The following CALN1 variants were observed in gnomAD, a reference collection of about 807,000 sequenced individuals.
CALN1 encodes the protein calcium-binding protein 8.
Under a neutral mutation model 30.6 loss-of-function variants are expected in CALN1, and 17 were observed. The ratio of observed to expected loss-of-function variants is 0.56; its 90% confidence interval spans 0.38 to 0.83. The LOEUF is 0.83. Ranked by LOEUF, CALN1 falls within the 40% of genes least tolerant of loss-of-function variation. The pLI, the probability that CALN1 is intolerant of heterozygous loss-of-function variation, is 0.00. For missense variants in CALN1, 291 were observed against 354.9 expected (o/e 0.82, Z 1.45); for synonymous variants, 156 against 131.4 (o/e 1.19, Z -1.28).
chr7:72,314,311 T>C (rs1433530144), intron 2 of CALN1, among the ~76,000 whole-genome samples: 1 of 151,888 alleles, frequency 6.6e-6, no homozygotes, highest in Non-Finnish European at 1.5e-5. Flanking sequence ...ATTTGATTTC[T>C]AAGCTATGTG....
intron 3 of CALN1, among the ~76,000 whole-genome samples, chr7:72,205,551 A>AAATATATATATATATATATATAT: frequency 1.2e-5 from 1 of 83,036 alleles, no homozygotes; most frequent in African/African-American, 7.4e-5. Context: ...GCAAAAAAAA[A>AAATATATATATATATATATATAT]ATATATATAT....
intron 3 of CALN1, among the ~76,000 whole-genome samples, chr7:72,175,088 T>C (rs1411055768): frequency 6.6e-6 from 1 of 152,052 alleles, no homozygotes; most frequent in Non-Finnish European, 1.5e-5. Flanking sequence ...ATTTTTTTTT[T>C]TTTGAGACAG....
At chr7:72,278,383 A>C (rs1015129433) in intron 3 of CALN1, among the ~76,000 whole-genome samples, 1 of 152,082 alleles carries the variant, frequency 6.6e-6, no homozygotes, top group Non-Finnish European at 1.5e-5. Flanking sequence ...AATGGAAAAC[A>C]CATTTTAAGA....
intron 2 of CALN1, among the ~76,000 whole-genome samples, chr7:72,380,275 G>A (rs1304034949): frequency 1.3e-5 from 2 of 152,224 alleles, no homozygotes; most frequent in East Asian, 1.9e-4. Flanking sequence ...CCTATGAGAA[G>A]ACACTGCAAC....
At chr7:71,941,872 A>T (rs1796150169) in intron 5 of CALN1, among the ~76,000 whole-genome samples, 2 of 152,136 alleles carry the variant, frequency 1.3e-5, no homozygotes, top group Non-Finnish European at 2.9e-5. Flanking sequence ...AGGGATTGGG[A>T]GACATTCTGA....
the CALN1 span, among the ~76,000 whole-genome samples, chr7:72,465,398 A>G: frequency 2.6e-5 from 4 of 152,090 alleles, no homozygotes; most frequent in African/African-American, 7.2e-5. Context: ...CCTTGCCCCT[A>G]TAGTAGGCTC....
chr7:71,956,623 C>A (rs1232065291), intron 5 of CALN1, among the ~76,000 whole-genome samples: 3 of 151,070 alleles, frequency 2.0e-5, no homozygotes, highest in Admixed American at 2.0e-4. Context: ...TGTGTCCAGT[C>A]CCAATTTAAA....
chr7:71,986,921 G>T (rs919086631), intron 5 of CALN1, among the ~76,000 whole-genome samples: 3 of 151,990 alleles, frequency 2.0e-5, no homozygotes, highest in Non-Finnish European at 4.4e-5. Context: ...TGAGACCAGG[G>T]GTTTGAGACC....
intron 3 of CALN1, among the ~76,000 whole-genome samples, chr7:72,246,405 G>A (rs1003352898): frequency 6.6e-6 from 1 of 152,118 alleles, no homozygotes; most frequent in Non-Finnish European, 1.5e-5. Flanking sequence ...GACACACGGT[G>A]GCTTGGTGAT....
rs184006477 is a variant in CALN1 at position 71,889,586 on chromosome 7, G to T, written c.502-79094C>A. Among the ~76,000 whole-genome samples the T allele has an allele frequency of 1.2e-4, 19 of 152,220 alleles. No homozygotes were observed. The East Asian group carries it at 3.1e-3, about 25-fold the overall frequency. On this transcript the variant is annotated intron_variant, in intron 5 of 6. Transcript: ENST00000395275. ...AATCATGACCTTGAAGGAGGTTAGG[G>T]TCTCAACCTATGAATAAGGGGGGAC...
intron 5 of CALN1, among the ~76,000 whole-genome samples, chr7:71,846,536 G>A (rs917588622): frequency 5.3e-5 from 8 of 151,932 alleles, no homozygotes; most frequent in Admixed American, 3.9e-4. Context: ...GTGCGCGTGC[G>A]TGTGTGTGTA....
intron 2 of CALN1, among the ~76,000 whole-genome samples, chr7:72,395,926 G>A (rs1300904575): frequency 6.6e-6 from 1 of 152,030 alleles, no homozygotes; most frequent in Non-Finnish European, 1.5e-5. Flanking sequence ...TGATTTAGGA[G>A]GTAGGACCTC....
the CALN1 span, among the ~76,000 whole-genome samples, chr7:72,497,347 G>T: frequency 6.6e-6 from 1 of 152,188 alleles, no homozygotes; most frequent in Non-Finnish European, 1.5e-5. Context: ...GTCTGAGGCA[G>T]GAGAATCGCT....
intron 3 of CALN1, among the ~76,000 whole-genome samples, chr7:72,243,188 A>G (rs1794953282): frequency 6.6e-6 from 1 of 152,170 alleles, no homozygotes; most frequent in Non-Finnish European, 1.5e-5. Flanking sequence ...CAGTGCCCTT[A>G]TGAGGAAAAG....
chr7:72,089,722 C>A (rs1805725874), intron 4 of CALN1, among the ~76,000 whole-genome samples: 1 of 152,066 alleles, frequency 6.6e-6, no homozygotes, highest in Non-Finnish European at 1.5e-5. Context: ...AGAACATTTG[C>A]ACTGATAAAA....
At chr7:72,199,411 T>TTTGGTCAAAACAGTTC (rs1393718185) in intron 3 of CALN1, among the ~76,000 whole-genome samples, 1 of 152,132 alleles carries the variant, frequency 6.6e-6, no homozygotes, top group Non-Finnish European at 1.5e-5. Context: ...ACAGCCTAAA[T>TTTGGTCAAAACAGTTC]CTAGAAGGAA....
chr7:72,357,731 A>G (rs1803317446), intron 2 of CALN1, among the ~76,000 whole-genome samples: 1 of 151,490 alleles, frequency 6.6e-6, no homozygotes, highest in African/African-American at 2.4e-5. Context: ...TAACAACCCA[A>G]TGTTGGCAGA....
At chr7:72,411,568 G>A (rs1807150198) in intron 1 of CALN1, among the ~76,000 whole-genome samples, 1 of 152,164 alleles carries the variant, frequency 6.6e-6, no homozygotes, top group Non-Finnish European at 1.5e-5. Context: ...ATAAAACTCA[G>A]GCAATGAGCA....
chr7:72,281,289 G>A (rs569863452), intron 2 of CALN1, among the ~76,000 whole-genome samples: 1 of 152,248 alleles, frequency 6.6e-6, no homozygotes, highest in East Asian at 1.9e-4. Flanking sequence ...TTCCCAGCCT[G>A]CAGAGATATA....
Sources: allele counts gnomAD v4.1 joint callset (sites outside exome capture counted in the v4.1 genomes callset), GRCh38; gene constraint gnomAD v4.1.1; transcripts MANE v1.5; gene names NCBI Gene and HGNC (gene_info 2026-07-23, HGNC 2026-07-21).